Variants in RNF166 observed in about 807,000 individuals in gnomAD.
RNF166 encodes E3 ubiquitin-protein ligase RNF166.
Under a neutral mutation model 29.4 loss-of-function variants are expected in RNF166, and 19 were observed. The ratio of observed to expected loss-of-function variants is 0.65; its 90% confidence interval spans 0.45 to 0.95. The LOEUF is 0.95. Among genes scored for constraint, RNF166 ranks in the 40% least tolerant of loss-of-function variants. The pLI, the probability that RNF166 is intolerant of heterozygous loss-of-function variation, is 0.00. For synonymous variants in RNF166, 171 were observed against 134.5 expected (o/e 1.27, Z -1.88); for missense variants, 347 against 322.1 (o/e 1.08, Z -0.59).
intron 3 of RNF166, 59 bp from the exon 4 acceptor site, chr16:88,699,144 C>G (rs560871419): frequency 8.4e-7 from 1 of 1,195,000 alleles, no homozygotes; most frequent in South Asian, 1.3e-5. Flanking sequence ...TCTGCCTCCC[C>G]GCTTCTCTCA....
Position 88,701,153 on chromosome 16 carries a change from A to G in RNF166, c.312+109T>C, listed in dbSNP as rs1218900636. 44 of 1,403,800 alleles carry G rather than the reference A, an allele frequency of 3.1e-5. No homozygotes were observed. In the Admixed American group the frequency reaches 7.9e-4, roughly 25 times the overall value. 87.0% of individuals were successfully genotyped at this position (1,403,800 alleles called of 1,614,324 possible). ...TGGTGCAGGAGCAGAGACCGCGATT[A>G]CTCAACAGGAAAGAGAGAGGGCCCC... is the stretch of plus-strand genomic sequence containing the variant. On this transcript the variant is annotated intron_variant, in intron 2 of 5. Coordinates refer to ENST00000312838, the MANE Select transcript of RNF166 (RefSeq NM_178841.4).
chr16:88,705,158 C>T (rs1910651816), intron 1 of RNF166, among the ~76,000 whole-genome samples: 3 of 152,348 alleles, frequency 2.0e-5, no homozygotes, highest in African/African-American at 7.2e-5. Context: ...GGCAGCTCTG[C>T]ATCCTGACAC....
Position 88,706,118 on chromosome 16 carries a change from TCCCGCGGCGGGGCACGGCCCCCTC to T in RNF166, c.155+29_155+52del, listed in dbSNP as rs1465428209. 1.2e-5 allele frequency: 13 copies of T among 1,090,576 alleles called. No individual in the cohort carries two copies. In the South Asian group the frequency reaches 1.3e-4, roughly 11 times the overall value. 67.6% of individuals were successfully genotyped at this position (1,090,576 alleles called of 1,614,324 possible). A position where few individuals can be genotyped will look rare whatever the true frequency, so the allele number is the denominator to read the frequency against. Reference sequence around the variant, plus strand: ...GGGCGGCCGCCGGCCTCGCGACCCCTCCCGCGGCGGGGCACGGCCCCCTCCCCGCGGCCCCTGGGCGGGCGCGCT... The same window carrying T: ...GGGCGGCCGCCGGCCTCGCGACCCCTCCCGCGGCCCCTGGGCGGGCGCGCT... On this transcript the variant is annotated intron_variant, in intron 1 of 5. Coordinates refer to ENST00000312838, the MANE Select transcript of RNF166 (RefSeq NM_178841.4).
intron 2 of RNF166, chr16:88,700,601 C>T (rs962116617): frequency 9.1e-6 from 9 of 985,456 alleles, no homozygotes; most frequent in East Asian, 1.1e-4. Context: ...CGTCGGGAAA[C>T]GCAAATGCAA....
chr16:88,701,180 G>A (rs972273718), intron 2 of RNF166, 82 bp downstream of exon 2: 3 of 1,546,096 alleles, frequency 1.9e-6, no homozygotes, highest in Non-Finnish European at 1.8e-6. Context: ...GAGGGCCCCG[G>A]CCCCCACCCT....
chr16:88,698,124 C>T (rs955088304), intron 5 of RNF166: 28 of 588,530 alleles, frequency 4.8e-5, no homozygotes, highest in Non-Finnish European at 7.3e-5. Flanking sequence ...GCCTGACCCG[C>T]GGCGGGTGGG....
At chr16:88,697,809 G>T in intron 5 of RNF166, 176 bp from the exon 6 acceptor site, 1 of 584,698 alleles carries the variant, frequency 1.7e-6, no homozygotes. Flanking sequence ...TCTGGGGGGT[G>T]AGAAGGTGAA....
At chr16:88,705,992 C>G (rs939633123) in intron 1 of RNF166, among the ~76,000 whole-genome samples, 179 bp downstream of exon 1, 1 of 151,988 alleles carries the variant, frequency 6.6e-6, no homozygotes, top group Non-Finnish European at 1.5e-5. Context: ...GATGAACGCG[C>G]CCAGAGGGCA....
intron 2 of RNF166, among the ~76,000 whole-genome samples, chr16:88,700,367 T>C (rs1567636839): frequency 6.7e-6 from 1 of 148,918 alleles, no homozygotes; most frequent in African/African-American, 2.6e-5. Flanking sequence ...CCGCTCTGCA[T>C]GTGACCGGTT....
chr16:88,699,700 C>G lies in RNF166; in HGVS notation c.345G>C (p.Ser115=). The stretch of plus-strand genomic sequence containing the variant: ...TCTGCTCCTGGACCTTCAGGCAGGA[C>G]GAAATGTGCACTCTCATCTTTGCCA... The part of the protein sequence containing the change: ...VTLAKMRVHI[S]SCLKVQEQMA... Residue 115 remains serine (S), a synonymous_variant, in exon 3 of 6, where the codon TCG becomes TCC. Transcript: ENST00000312838. 6.2e-7 allele frequency: 1 copy of G among 1,613,312 alleles called. No homozygotes were observed. Among genetic ancestry groups the G allele is most frequent in the Non-Finnish European group, 8.5e-7 (1 of 1,179,830 alleles).
Position 88,706,211 on chromosome 16 carries a change from C to G in RNF166, c.115G>C (p.Val39Leu), listed in dbSNP as rs1226507333. The change falls in exon 1 of 6, where the codon GTC becomes CTC. Residue 39 changes from valine (V) to leucine (L), a missense_variant. Physicochemically the swap from Val to Leu is conservative, Grantham distance 32. Coordinates refer to ENST00000312838, the MANE Select transcript of RNF166 (RefSeq NM_178841.4). ...AQYTCPICLEVYHRPVAIGSC... is the reference protein window; with the variant it reads ...AQYTCPICLELYHRPVAIGSC... ...CCGATGGCCACGGGCCGGTGATAGACCTCCAGGCAGATGGGGCAGGTGTAC... is the reference window on the plus strand; with the variant it reads ...CCGATGGCCACGGGCCGGTGATAGAGCTCCAGGCAGATGGGGCAGGTGTAC... 2 of 1,319,892 alleles carry G rather than the reference C, an allele frequency of 1.5e-6. No homozygotes were observed. The highest frequency in any genetic ancestry group is 1.9e-6 in the Non-Finnish European group (2 of 1,029,894). 81.8% of individuals were successfully genotyped at this position (1,319,892 alleles called of 1,614,324 possible). A position where few individuals can be genotyped will look rare whatever the true frequency, so the allele number is the denominator to read the frequency against.
In RNF166 at chr16:88,702,369, C is replaced by T. The variant is rs538903491; in HGVS notation, c.156-951G>A. On this transcript the variant is annotated intron_variant, in intron 1 of 5. Coordinates refer to ENST00000312838, the MANE Select transcript of RNF166 (RefSeq NM_178841.4). ...CCAGTCCCAGGAAGGCTACAGCACC[C>T]GGGGGTGTAGCTTCCCTTCTCCCTG... Among the ~76,000 whole-genome samples the T allele has an allele frequency of 2.8e-4, 43 of 152,118 alleles. No homozygotes were observed. The East Asian group carries it at 4.9e-3, about 17-fold the overall frequency.
intron 1 of RNF166, chr16:88,704,584 C>T: frequency 5.1e-6 from 5 of 985,246 alleles, no homozygotes; most frequent in Non-Finnish European, 6.0e-6. Context: ...GTGTTGGCAC[C>T]CAAAGCCTAC....
intron 2 of RNF166, chr16:88,700,659 G>A: frequency 8.1e-6 from 8 of 986,806 alleles, no homozygotes; most frequent in Non-Finnish European, 9.6e-6. Flanking sequence ...AAAGAACGGG[G>A]CGCTGGCTGG....
chr16:88,702,011 G>A (rs1206344437), intron 1 of RNF166, among the ~76,000 whole-genome samples: 1 of 152,174 alleles, frequency 6.6e-6, no homozygotes, highest in East Asian at 1.9e-4. Flanking sequence ...CCATCTGGGC[G>A]GAGGCTCGGG....
Position 88,696,671 on chromosome 16 carries a change from A to C in RNF166, c.*897T>G, listed in dbSNP as rs1194655713. 2.3e-6 allele frequency: 1 copy of C among 438,530 alleles called. No homozygotes were observed. The highest frequency in any genetic ancestry group is 4.5e-6 in the Non-Finnish European group (1 of 222,612). The allele number at this position is 438,530 out of a possible 1,614,324, so 27.2% of individuals were successfully genotyped here. On this transcript the variant is annotated 3_prime_UTR_variant, in exon 6 of 6. Coordinates refer to ENST00000312838, the MANE Select transcript of RNF166 (RefSeq NM_178841.4). ...GCCGTCCCCTCCCGCAGCGGGGCAC[A>C]GTCAGCTTTGAAGGTGACAGCGGGC...
chr16:88,706,036 C>T (rs558101626), intron 1 of RNF166, 135 bp downstream of exon 1: 11 of 416,056 alleles, frequency 2.6e-5, no homozygotes, highest in Non-Finnish European at 3.2e-5. Flanking sequence ...CCGGACCCCA[C>T]GCGCCCCGAG....
intron 1 of RNF166, chr16:88,703,216 T>C: frequency 1.0e-6 from 1 of 978,504 alleles, no homozygotes; most frequent in Non-Finnish European, 1.2e-6. Context: ...CCTGGGTTTC[T>C]TTCTGGAGTG....
intron 2 of RNF166, chr16:88,700,797 G>C: frequency 9.6e-7 from 1 of 1,036,446 alleles, no homozygotes; most frequent in Non-Finnish European, 1.2e-6. Context: ...GCTCTGATGT[G>C]GGTGTGGCAG....
Sources: gnomAD v4.1 joint callset for allele counts (sites outside exome capture counted in the v4.1 genomes callset) on GRCh38, gnomAD v4.1.1 for gene constraint, MANE v1.5 for transcripts, NCBI Gene and HGNC (gene_info 2026-07-23, HGNC 2026-07-21) for gene names.